The following DOK2 variants were observed in gnomAD, a reference collection of about 807,000 sequenced individuals.
DOK2 encodes the protein docking protein 2, 56kD.
DOK2 carries 28 observed loss-of-function variants against 26.0 expected under a neutral mutation model. The ratio of observed to expected loss-of-function variants is 1.08; its 90% CI spans 0.80 to 1.48. The LOEUF (loss-of-function observed/expected upper bound fraction) is 1.48. Among genes scored for constraint, DOK2 ranks in the 40% most tolerant of loss-of-function variants. The pLI is 0.00. For synonymous variants in DOK2, 282 were observed against 236.9 expected (o/e 1.19, Z -1.75); for missense variants, 682 against 558.2 (o/e 1.22, Z -2.23).
At chr8:21,911,041 G>T (rs1189532330) in intron 3 of DOK2, 184 bp from the exon 4 acceptor site, 3 of 671,196 alleles carry the variant, frequency 4.5e-6, no homozygotes, top group Non-Finnish European at 7.3e-6. Flanking sequence ...TCCCCAAAAG[G>T]CCAGGTACCT....
rs1232083691 is a variant in DOK2, at chr8:21,912,215, C to G, written c.345+14G>C. The G allele has an allele frequency of 6.5e-7, 1 of 1,543,456 alleles. No individual in the cohort carries two copies. Among genetic ancestry groups the G allele is most frequent in the South Asian group, 1.2e-5 (1 of 83,448 alleles). Reference sequence around the variant, plus strand: ...GCACGCCCCCTTGCCCTTTCCGCACCCCGCGCGACTCACGGGGAAGGCCAG... The same window carrying G: ...GCACGCCCCCTTGCCCTTTCCGCACGCCGCGCGACTCACGGGGAAGGCCAG... On this transcript the variant is annotated intron_variant, in intron 2 of 4. Coordinates refer to ENST00000276420, the MANE Select transcript of DOK2 (RefSeq NM_003974.4).
In DOK2 at chr8:21,909,525, T is replaced by G; in HGVS notation, c.1025A>C (p.Asp342Ala). 6.2e-7 allele frequency: 1 copy of G among 1,614,036 alleles called. No homozygotes were observed. The part of the protein sequence containing the change: ...SIEETLPPRP[D>A]HIYDEPEGVA... ...TCCCTCGGGCTCATCGTATATGTGG[T>G]CAGGTCGAGGGGGCAGGGTCTCCTC... The change falls in exon 5 of 5, where the codon GAC becomes GCC. Residue 342 changes from aspartate (D) to alanine (A), a missense_variant. Coordinates refer to ENST00000276420, the MANE Select transcript of DOK2 (RefSeq NM_003974.4).
rs1445170362 is a variant in DOK2 at position 21,909,848 on chromosome 8, G to T, written c.702C>A (p.Ile234=). ...AGATGGCCTCTTCCAGGGCCAAGAA[G>T]ATCTCATTGCCTTGCCGGGTTTCGA... ...FEFETRQGNE[I]FLALEEAISA... The change falls in exon 5 of 5, where the codon ATC becomes ATA. Residue 234 remains isoleucine, a synonymous_variant. Transcript: ENST00000276420. 6.2e-7 allele frequency: 1 copy of T among 1,613,984 alleles called. No individual in the cohort carries two copies. The highest frequency in any genetic ancestry group is 8.5e-7 in the Non-Finnish European group (1 of 1,180,044).
At position 21,909,012 on chromosome 8, in the gene DOK2, C is replaced by T. The variant is rs1275047557; in HGVS notation, c.*299G>A. On this transcript the variant is annotated 3_prime_UTR_variant, in exon 5 of 5. Coordinates refer to ENST00000276420, the MANE Select transcript of DOK2 (RefSeq NM_003974.4). Reference sequence around the variant, plus strand: ...GGCTTGCATAGCCAAGCAGCCCAAGCAATTGCTGACATCCTTTTGTCCTCT... The same window carrying T: ...GGCTTGCATAGCCAAGCAGCCCAAGTAATTGCTGACATCCTTTTGTCCTCT... The T allele has an allele frequency of 3.6e-6, 1 of 275,924 alleles. No individual in the cohort carries two copies. 17.1% of individuals were successfully genotyped at this position (275,924 alleles called of 1,614,324 possible). A position where few individuals can be genotyped will look rare whatever the true frequency, so the allele number is the denominator to read the frequency against.
chr8:21,913,606 T>C lies in DOK2; in HGVS notation c.-5A>G. On this transcript the variant is annotated 5_prime_UTR_variant, in exon 1 of 5. Transcript: ENST00000276420. ...TTTCACTGCCCCGTCTCCCATCCTC[T>C]GACCATCTCGGAGCCCCAGGCTTCA... The C allele has an allele frequency of 6.2e-7, 1 of 1,613,998 alleles. No homozygotes were observed. The highest frequency in any genetic ancestry group is 8.5e-7 in the Non-Finnish European group (1 of 1,179,984).
At position 21,911,968 on chromosome 8, in the gene DOK2, C is replaced by T. The variant is rs371640019; in HGVS notation, c.366G>A (p.Ser122=). Residue 122 remains serine (S), a synonymous_variant, in exon 3 of 5, where the codon TCG becomes TCA. Transcript: ENST00000276420. ...GCCGGCTCTGCTTTCCCTCTGGCCC[C>T]GAGAGCTCCTTCCTCTGCCCCTAGG... The part of the protein sequence containing the change: ...LAFPGQRKEL[S]GPEGKQSRPC... The T allele has an allele frequency of 4.5e-6, 7 of 1,555,588 alleles. No homozygotes were observed. The highest frequency in any genetic ancestry group is 3.3e-4 in the Middle Eastern group (2 of 6,008).
At position 21,909,695 on chromosome 8, in the gene DOK2, T is replaced by C. The variant is rs1297832462; in HGVS notation, c.855A>G (p.Thr285=). 1.9e-6 allele frequency: 3 copies of C among 1,612,742 alleles called. No homozygotes were observed. Among genetic ancestry groups the C allele is most frequent in the African/African-American group, 2.7e-5 (2 of 74,786 alleles). ...CCCGAGGCCGTGGAGCAGGCACCGG[T>C]GTGGTGGGTGAAGGCGGCGGCAGTG... The part of the protein sequence containing the change: ...HDSLPPPSPT[T]PVPAPRPRGQ... Residue 285 remains threonine (T), a synonymous_variant, in exon 5 of 5, where the codon ACA becomes ACG. Transcript: ENST00000276420.
chr8:21,910,680 C>A lies in DOK2; in HGVS notation c.611G>T (p.Arg204Leu). 1 of 1,613,950 alleles carries A rather than the reference C, an allele frequency of 6.2e-7. No individual in the cohort carries two copies. Among genetic ancestry groups the A allele is most frequent in the East Asian group, 2.2e-5 (1 of 44,870 alleles). ...WPYRFLRRFG[R>L]DKVTFSFEAG... ...ATGCAGCTTCCCACTCACCTTGTCC[C>A]GCCCAAAGCGCCGCAGAAACCTGTA... Residue 204 changes from arginine (R) to leucine (L), a missense_variant, in exon 4 of 5, where the codon CGG becomes CTG. Transcript: ENST00000276420.
rs1585399923 is a variant in DOK2, at chr8:21,912,365, T to G, written c.209A>C (p.Glu70Ala). 1 of 1,606,650 alleles carries G rather than the reference T, an allele frequency of 6.2e-7. No homozygotes were observed. Among genetic ancestry groups the G allele is most frequent in the South Asian group, 1.1e-5 (1 of 89,974 alleles). Reference protein sequence around the residue: ...IRLSDCLRVAEAGGEASSPRD... With the variant: ...IRLSDCLRVAAAGGEASSPRD... The stretch of plus-strand genomic sequence containing the variant: ...GGGGCTGCTGGCCTCTCCGCCGGCC[T>G]CGGCCACCCGCAGGCAGTCACTGAG... The change falls in exon 2 of 5, where the codon GAG (glutamate) becomes GCG (alanine). Residue 70 changes from glutamate (E) to alanine (A), a missense_variant. Transcript: ENST00000276420.
chr8:21,912,569 G>C (rs986408112), intron 1 of DOK2, 59 bp from the exon 2 acceptor site: 4 of 1,443,262 alleles, frequency 2.8e-6, no homozygotes, highest in Non-Finnish European at 3.6e-6. Flanking sequence ...CGGGGAGATC[G>C]TGAGCCAAGG....
At chr8:21,910,183 T>C (rs1474000440) in intron 4 of DOK2, among the ~76,000 whole-genome samples, 2 of 152,060 alleles carry the variant, frequency 1.3e-5, no homozygotes, top group Non-Finnish European at 2.9e-5. Flanking sequence ...GGTTTCACCA[T>C]GTTGGCCAGG....
chr8:21,911,468 C>T (rs1195783287), intron 3 of DOK2, among the ~76,000 whole-genome samples: 6 of 152,128 alleles, frequency 3.9e-5, no homozygotes, highest in Non-Finnish European at 5.9e-5. Flanking sequence ...ATTAGCCAGG[C>T]GTGGTGGCCG....
rs1035492602 is a variant in DOK2 at position 21,909,238 on chromosome 8, C to G, written c.*73G>C. On this transcript the variant is annotated 3_prime_UTR_variant, in exon 5 of 5. Coordinates refer to ENST00000276420, the MANE Select transcript of DOK2 (RefSeq NM_003974.4). ...GGCTCCAGAAGGGGCAGAGGAGGTT[C>G]TTCTGATGCAGTGGCCAGGAGGAGT... 1.3e-5 allele frequency: 20 copies of G among 1,497,076 alleles called. No homozygotes were observed. In the African/African-American group the frequency reaches 2.8e-4, roughly 21 times the overall value. The allele number at this position is 1,497,076 out of a possible 1,614,324, so 92.7% of individuals were successfully genotyped here.
intron 4 of DOK2, among the ~76,000 whole-genome samples, chr8:21,910,420 G>GC (rs1809794871): frequency 6.6e-6 from 1 of 152,072 alleles, no homozygotes; most frequent in East Asian, 1.9e-4. Flanking sequence ...CCCTCTCCAG[G>GC]CCCTTCCTGC....
Position 21,912,273 on chromosome 8 carries a change from C to G in DOK2, c.301G>C (p.Glu101Gln). The change falls in exon 2 of 5, where the codon GAG becomes CAG. Residue 101 changes from glutamate to glutamine, a missense_variant. Transcript: ENST00000276420. ...ATGGCCTGCACCCAGTCGCCGCGCT[C>G]CGCTGCAGGGGCCGCCAGGAGGTAC... ...RLYLLAAPAA[E>Q]RGDWVQAICL... The G allele has an allele frequency of 6.3e-7, 1 of 1,584,070 alleles. No homozygotes were observed. The highest frequency in any genetic ancestry group is 8.6e-7 in the Non-Finnish European group (1 of 1,167,878).
At chr8:21,912,901 C>T (rs1051337613) in intron 1 of DOK2, among the ~76,000 whole-genome samples, 2 of 152,202 alleles carry the variant, frequency 1.3e-5, no homozygotes, top group Admixed American at 1.3e-4. Flanking sequence ...GCGTGTGACC[C>T]GGGCTGGAGA....
chr8:21,910,661 C>T lies in DOK2; in HGVS notation c.618+12G>A, dbSNP rs761637146. ...TTTCTCTCAACCTGCCCTGATGCAG[C>T]TTCCCACTCACCTTGTCCCGCCCAA... On this transcript the variant is annotated intron_variant, in intron 4 of 4. Coordinates refer to ENST00000276420, the MANE Select transcript of DOK2 (RefSeq NM_003974.4). The T allele has an allele frequency of 5.0e-6, 8 of 1,613,662 alleles. No individual in the cohort carries two copies. In the Admixed American group the frequency reaches 5.0e-5, roughly 10 times the overall value.
In DOK2 at chr8:21,909,772, T is replaced by C. The variant is rs772439752; in HGVS notation, c.778A>G (p.Ile260Val). Residue 260 changes from isoleucine (I) to valine (V), a missense_variant, in exon 5 of 5, where the codon ATC (isoleucine) becomes GTC (valine). By Grantham distance (29) the Ile-to-Val change is conservative. Coordinates refer to ENST00000276420, the MANE Select transcript of DOK2 (RefSeq NM_003974.4). ...PATPQPQPAT[I>V]PASLPRPDSP... ...TCAGGCCGGGGCAGCGACGCGGGGA[T>C]TGTGGCTGGCTGCGGTTGGGGTGTA... The C allele has an allele frequency of 7.4e-6, 12 of 1,613,802 alleles. No individual in the cohort carries two copies. In the Admixed American group the frequency reaches 8.3e-5, roughly 11 times the overall value.
chr8:21,910,889 A>T (rs577146088), intron 3 of DOK2, 32 bp from the exon 4 acceptor site: 1 of 1,568,060 alleles, frequency 6.4e-7, no homozygotes, highest in Admixed American at 1.9e-5. Flanking sequence ...AGGCGAAGGC[A>T]GTTAATGGGA....
Sources: gnomAD v4.1 joint callset for allele counts (sites outside exome capture counted in the v4.1 genomes callset) on GRCh38, gnomAD v4.1.1 for gene constraint, MANE v1.5 for transcripts, NCBI Gene and HGNC (gene_info 2026-07-23, HGNC 2026-07-21) for gene names.